The following KPNA7 variants were observed in gnomAD, a reference collection of about 807,000 sequenced individuals.
KPNA7 encodes the protein importin subunit alpha-8.
A neutral mutation model predicts 53.7 loss-of-function variants in KPNA7; 54 were observed. The observed-to-expected ratio is 1.01, with a 90% CI of 0.81 to 1.26. The LOEUF is 1.26. KPNA7 is among the 50% of genes most tolerant of loss of function. The pLI, the probability that KPNA7 is intolerant of heterozygous loss-of-function variation, is 0.00. For synonymous variants in KPNA7, 276 were observed against 259.3 expected (o/e 1.06, Z -0.62); for missense variants, 640 against 644.5 (o/e 0.99, Z 0.07).
intron 3 of KPNA7, among the ~76,000 whole-genome samples, chr7:99,201,989 T>C (rs927655189): frequency 1.3e-5 from 2 of 152,108 alleles, no homozygotes; most frequent in Non-Finnish European, 2.9e-5. Context: ...ACTACAGGTG[T>C]GAACCACTGT....
chr7:99,216,113 G>A (rs976636711), intron 1 of KPNA7, among the ~76,000 whole-genome samples: 2 of 151,870 alleles, frequency 1.3e-5, no homozygotes, highest in African/African-American at 2.4e-5. Context: ...CTACAGCCTC[G>A]ACTTTCTGGG....
chr7:99,149,123 G>A, the KPNA7 span, among the ~76,000 whole-genome samples: 36 of 151,876 alleles, frequency 2.4e-4, no homozygotes, highest in East Asian at 2.5e-3. Flanking sequence ...GACTGGTCTC[G>A]AACTCCTGAC....
the KPNA7 span, among the ~76,000 whole-genome samples, chr7:99,161,739 CTTGT>C: frequency 1.8e-4 from 28 of 152,220 alleles, no homozygotes; most frequent in South Asian, 3.7e-3. Context: ...TTTGCATCGC[CTTGT>C]TTGACACTTG....
intron 7 of KPNA7, among the ~76,000 whole-genome samples, chr7:99,187,555 A>AT (rs36042018): frequency 0.12 from 14,870 of 124,344 alleles, 1,387 homozygotes; most frequent in African/African-American, 0.24. Flanking sequence ...CACCCAGCTA[A>AT]TTTTTTTTTT....
At chr7:99,146,699 G>A in the KPNA7 span, among the ~76,000 whole-genome samples, 6 of 129,298 alleles carry the variant, frequency 4.6e-5, no homozygotes, top group Admixed American at 3.4e-4. Context: ...GCAATAGAGC[G>A]AGACTGTGTC....
the KPNA7 span, among the ~76,000 whole-genome samples, chr7:99,160,015 TTG>T: frequency 1.4e-4 from 15 of 109,988 alleles, no homozygotes; most frequent in African/African-American, 4.2e-4. Context: ...TCTGTTGTTT[TTG>T]TTTTTTTTTT....
chr7:99,170,467 T>TG (rs921100658), downstream of KPNA7, among the ~76,000 whole-genome samples: 37 of 1,328 alleles, frequency 0.028, no homozygotes, highest in Admixed American at 0.2. Context: ...TCCGTTTCAG[T>TG]GGGAAAAAAA....
intron 7 of KPNA7, among the ~76,000 whole-genome samples, chr7:99,187,945 GCAGGAGGATCACCTGAGGT>G (rs1200200027): frequency 6.6e-6 from 1 of 151,194 alleles, no homozygotes; most frequent in East Asian, 1.9e-4. Context: ...GGAGGCCGAG[GCAGGAGGATCACCTGAGGT>G]CAGGAGTTCG....
rs1366195898 is a variant in KPNA7 at position 99,183,721 on chromosome 7, G to A, written c.1134+1208C>T. Among the ~76,000 whole-genome samples, 8 of 152,162 alleles carry A rather than the reference G, an allele frequency of 5.3e-5. No homozygotes were observed. In the East Asian group the frequency reaches 1.5e-3, roughly 29 times the overall value. On this transcript the variant is annotated intron_variant, in intron 8 of 10. Transcript: ENST00000327442. ...ACCTGCCTCCCCACCCCCAGCCCAA[G>A]GTAACCACTCCTGACTATAGATGGT...
chr7:99,153,151 T>C, the KPNA7 span, among the ~76,000 whole-genome samples: 3 of 152,318 alleles, frequency 2.0e-5, no homozygotes, highest in Admixed American at 6.5e-5. Flanking sequence ...GCTCCTTAAA[T>C]GCAATCCTTT....
intron 8 of KPNA7, 95 bp from the exon 9 acceptor site, chr7:99,182,160 C>G: frequency 1.1e-6 from 1 of 902,064 alleles, no homozygotes; most frequent in Non-Finnish European, 1.7e-6. Context: ...CTGGTGACAG[C>G]CAGGACTGCA....
At chr7:99,155,193 C>A in the KPNA7 span, among the ~76,000 whole-genome samples, 1 of 152,166 alleles carries the variant, frequency 6.6e-6, no homozygotes, top group East Asian at 1.9e-4. Context: ...ATTTTCAGTT[C>A]TTCTATTTCT....
At chr7:99,174,629 T>C (rs1292848095) in intron 10 of KPNA7, among the ~76,000 whole-genome samples, 2 of 152,114 alleles carry the variant, frequency 1.3e-5, no homozygotes, top group African/African-American at 4.8e-5. Flanking sequence ...TGGAATCGCA[T>C]TGTATTTGTC....
chr7:99,214,740 GGAGGT>G lies in KPNA7; in HGVS notation c.-23-7256_-23-7252del, dbSNP rs1307566168. On this transcript the variant is annotated intron_variant, in intron 1 of 10. Transcript: ENST00000681060. ...GGGAGGGGAGGTAGGGGAGGGGAGG[GGAGGT>G]AGGGGAGGGGAGGGGAGGGAGGGAA... Among the ~76,000 whole-genome samples the G allele has an allele frequency of 3.5e-4, 26 of 74,782 alleles. 2 individuals carry two copies. The highest frequency in any genetic ancestry group is 4.6e-4 in the Non-Finnish European group (17 of 37,056). 49.1% of individuals were successfully genotyped at this position (74,782 alleles called of 152,430 possible).
At chr7:99,159,033 T>TTG in the KPNA7 span, among the ~76,000 whole-genome samples, 1 of 151,936 alleles carries the variant, frequency 6.6e-6, no homozygotes, top group African/African-American at 2.4e-5. Flanking sequence ...CCCGGCTAAC[T>TTG]TGTGTATTTT....
At chr7:99,190,754 C>T (rs1017403869) in intron 6 of KPNA7, among the ~76,000 whole-genome samples, 3 of 151,386 alleles carry the variant, frequency 2.0e-5, no homozygotes, top group Non-Finnish European at 2.9e-5. Context: ...CTCAAGCGAT[C>T]CTCTCGCCTT....
intron 2 of KPNA7, among the ~76,000 whole-genome samples, chr7:99,204,152 G>A (rs1790682654): frequency 6.6e-6 from 1 of 152,122 alleles, no homozygotes; most frequent in African/African-American, 2.4e-5. Context: ...GGTCAAGGTG[G>A]GAGGATCATT....
At chr7:99,200,312 A>G (rs1263403164) in intron 3 of KPNA7, among the ~76,000 whole-genome samples, 1 of 152,188 alleles carries the variant, frequency 6.6e-6, no homozygotes, top group Non-Finnish European at 1.5e-5. Flanking sequence ...TGTTGGGATT[A>G]CAGGCATGAG....
chr7:99,211,323 G>T (rs923321552), upstream of KPNA7, among the ~76,000 whole-genome samples: 1 of 152,202 alleles, frequency 6.6e-6, no homozygotes, highest in Non-Finnish European at 1.5e-5. Context: ...TTGAGAGGCC[G>T]AGGCAGGAGA....
Sources: gnomAD v4.1 joint callset for allele counts (sites outside exome capture counted in the v4.1 genomes callset) on GRCh38, gnomAD v4.1.1 for gene constraint, MANE v1.5 for transcripts, NCBI Gene and HGNC (gene_info 2026-07-23, HGNC 2026-07-21) for gene names.